PKHD1: variants seen among roughly 807,000 people sequenced by gnomAD.
PKHD1 encodes the protein fibrocystin.
Under a neutral mutation model 412.0 loss-of-function variants are expected in PKHD1, and 291 were observed. That is an observed-to-expected ratio of 0.71 (90% CI 0.64 to 0.78). The LOEUF (loss-of-function observed/expected upper bound fraction) is 0.78. Among genes scored for constraint, PKHD1 ranks in the 30% least tolerant of loss-of-function variants. The pLI, the probability that PKHD1 is intolerant of heterozygous loss-of-function variation, is 0.00. For missense variants in PKHD1, 4,825 were observed against 4,950.7 expected, an observed-to-expected ratio of 0.97 and a Z score of 0.76; for synonymous variants, 1,777 against 1,821.5, an observed-to-expected ratio of 0.98 and a Z score of 0.62.
At chr6:51,943,827 C>G (rs1460447666) in intron 36 of PKHD1, among the ~76,000 whole-genome samples, 2 of 151,566 alleles carry the variant, frequency 1.3e-5, no homozygotes, top group East Asian at 1.9e-4. Context: ...CTTAATCTCT[C>G]CCACTGTAGG....
chr6:52,034,818 A>G (rs780104516), intron 28 of PKHD1, among the ~76,000 whole-genome samples: 2 of 152,236 alleles, frequency 1.3e-5, no homozygotes, highest in African/African-American at 2.4e-5. Context: ...TGTACATATA[A>G]AAGCTAGCTT....
rs1417821400 is a variant in PKHD1 at position 51,667,447 on chromosome 6, C to A, written c.10157-7478G>T. On this transcript the variant is annotated intron_variant, in intron 60 of 66. Coordinates refer to ENST00000371117, the MANE Select transcript of PKHD1 (RefSeq NM_138694.4). The stretch of plus-strand genomic sequence containing the variant: ...TTCATTGTAGATTCTGGATATTAGC[C>A]CTTTGTCAGATGAGTAGGTTGTGAA... 3.0e-3 allele frequency among the ~76,000 whole-genome samples: 445 copies of A among 148,462 alleles called. 2 individuals carry two copies. The highest frequency in any genetic ancestry group is 0.01 in the African/African-American group (421 of 40,682).
Position 52,066,088 on chromosome 6 carries a change from T to TTTA in PKHD1, c.779-12_779-11insTAA. The stretch of plus-strand genomic sequence containing the variant: ...ACACAGATAATATTTCTGCAAGAGT[T>TTTA]AAAAAAAAAAAAAAGTAAGCTTCCA... On this transcript the variant is annotated splice_polypyrimidine_tract_variant and intron_variant, in intron 11 of 66. Transcript: ENST00000371117. 1.0e-6 allele frequency: 1 copy of TTTA among 959,066 alleles called. No individual in the cohort carries two copies. The highest frequency in any genetic ancestry group is 1.6e-6 in the Non-Finnish European group (1 of 614,524). 59.4% of individuals were successfully genotyped at this position (959,066 alleles called of 1,614,324 possible). A position where few individuals can be genotyped will look rare whatever the true frequency, so the allele number is the denominator to read the frequency against.
chr6:51,654,446 G>A (rs974931535), intron 61 of PKHD1, among the ~76,000 whole-genome samples: 2 of 151,910 alleles, frequency 1.3e-5, no homozygotes, highest in Non-Finnish European at 2.9e-5. Flanking sequence ...GTTAACACTG[G>A]GGAATAAAAA....
chr6:51,984,530 T>G (rs1795976684), intron 35 of PKHD1, among the ~76,000 whole-genome samples: 1 of 152,242 alleles, frequency 6.6e-6, no homozygotes, highest in African/African-American at 2.4e-5. Context: ...GAGCATTATT[T>G]TGAATCTCAT....
At chr6:52,071,108 A>C in intron 8 of PKHD1, 38 bp from the exon 9 acceptor site, 1 of 1,328,708 alleles carries the variant, frequency 7.5e-7, no homozygotes, top group South Asian at 1.2e-5. Context: ...ATGACCAGAC[A>C]ACTCACTACC....
chr6:51,808,067 T>C (rs1764119004), intron 52 of PKHD1, among the ~76,000 whole-genome samples: 2 of 152,160 alleles, frequency 1.3e-5, no homozygotes, highest in Non-Finnish European at 2.9e-5. Flanking sequence ...GTGAATTATA[T>C]CTCAATAAAT....
chr6:52,062,662 T>C lies in PKHD1; in HGVS notation c.977-2A>G. 1.2e-6 allele frequency: 2 copies of C among 1,614,100 alleles called. No homozygotes were observed. The highest frequency in any genetic ancestry group is 8.5e-7 in the Non-Finnish European group (1 of 1,179,936). On this transcript the variant is annotated splice_acceptor_variant, in intron 13 of 66. Transcript: ENST00000371117. LOFTEE classifies it high-confidence loss of function. The stretch of plus-strand genomic sequence containing the variant: ...CTTCAAAAAGAAGCCCTCGATTGCC[T>C]GTAAGACATGTAGATCGCATAAACA...
intron 60 of PKHD1, among the ~76,000 whole-genome samples, chr6:51,676,846 A>T (rs1418959384): frequency 6.6e-6 from 1 of 152,204 alleles, no homozygotes; most frequent in Admixed American, 6.5e-5. Flanking sequence ...CTGCTTTTCT[A>T]GAATGGGCAA....
At chr6:51,943,863 C>T (rs895463582) in intron 36 of PKHD1, among the ~76,000 whole-genome samples, 11 of 151,568 alleles carry the variant, frequency 7.3e-5, no homozygotes, top group African/African-American at 2.4e-4. Flanking sequence ...TAATCCCGCT[C>T]GAAGCAGCCC....
intron 52 of PKHD1, among the ~76,000 whole-genome samples, chr6:51,830,266 G>A (rs1374510346): frequency 4.6e-5 from 7 of 151,906 alleles, no homozygotes; most frequent in Non-Finnish European, 8.8e-5. Flanking sequence ...TAAATAAGAA[G>A]ATTTTATAAG....
At chr6:51,830,729 G>A in intron 52 of PKHD1, 132 bp downstream of exon 52, 1 of 846,626 alleles carries the variant, frequency 1.2e-6, no homozygotes. Context: ...CCCAAAAAGA[G>A]GAAGAATGAA....
In PKHD1 at chr6:51,939,319, C is replaced by T. The variant is rs553586507; in HGVS notation, c.5909-4997G>A. Among the ~76,000 whole-genome samples, 5 of 151,194 alleles carry T rather than the reference C, an allele frequency of 3.3e-5. No homozygotes were observed. In the East Asian group the frequency reaches 5.8e-4, roughly 18 times the overall value. On this transcript the variant is annotated intron_variant, in intron 36 of 66. Coordinates refer to ENST00000371117, the MANE Select transcript of PKHD1 (RefSeq NM_138694.4). ...TCTCTCCGTGTCTCTACCCCTTCTCCGCTTTTCTAGGGGGCAAGAACCCGC... is the reference window on the plus strand; with the variant it reads ...TCTCTCCGTGTCTCTACCCCTTCTCTGCTTTTCTAGGGGGCAAGAACCCGC...
chr6:51,725,902 C>A (rs1782516895), intron 60 of PKHD1, among the ~76,000 whole-genome samples: 1 of 152,138 alleles, frequency 6.6e-6, no homozygotes, highest in Admixed American at 6.5e-5. Flanking sequence ...CCTTCTTTTG[C>A]AAAACCCAGG....
At chr6:51,644,823 G>A (rs1352071544) in intron 63 of PKHD1, among the ~76,000 whole-genome samples, 1 of 152,116 alleles carries the variant, frequency 6.6e-6, no homozygotes, top group Non-Finnish European at 1.5e-5. Context: ...GGGACTTCAG[G>A]TGCATGCCAT....
intron 4 of PKHD1, among the ~76,000 whole-genome samples, chr6:52,081,872 A>T (rs892917907): frequency 3.9e-5 from 6 of 152,214 alleles, no homozygotes; most frequent in African/African-American, 1.4e-4. Flanking sequence ...ACATGAGTAA[A>T]TAAAAATGAA....
intron 52 of PKHD1, among the ~76,000 whole-genome samples, chr6:51,819,684 T>C (rs1766056495): frequency 1.3e-5 from 2 of 152,204 alleles, no homozygotes; most frequent in African/African-American, 4.8e-5. Flanking sequence ...AAGTGGCACA[T>C]AATAAGTTAT....
intron 49 of PKHD1, among the ~76,000 whole-genome samples, chr6:51,849,037 T>C (rs1331364756): frequency 1.3e-5 from 2 of 151,510 alleles, no homozygotes; most frequent in Non-Finnish European, 2.9e-5. Context: ...ACCCATCCTC[T>C]AAGTTCCCTC....
chr6:51,659,490 C>T lies in PKHD1; in HGVS notation c.10636G>A (p.Val3546Ile). Residue 3546 changes from valine to isoleucine, a missense_variant, in exon 61 of 67, where the codon GTC (valine) becomes ATC (isoleucine). Transcript: ENST00000371117. ...FNIMDNLLYV[V>I]LQGEEPIEIR... ...TCAATGGGCTCCTCTCCTTGTAGGA[C>T]AACATACAAGAGGTTATCCATGATG... The T allele has an allele frequency of 1.2e-6, 2 of 1,613,320 alleles. No homozygotes were observed. The highest frequency in any genetic ancestry group is 8.5e-7 in the Non-Finnish European group (1 of 1,179,508).
Sources: allele counts gnomAD v4.1 joint callset (sites outside exome capture counted in the v4.1 genomes callset), GRCh38; gene constraint gnomAD v4.1.1; transcripts MANE v1.5; gene names NCBI Gene and HGNC (gene_info 2026-07-23, HGNC 2026-07-21).